Variants in ETV6 observed in about 807,000 individuals in gnomAD.
ETV6 encodes transcription factor ETV6.
ETV6 carries 16 observed loss-of-function variants against 51.1 expected under a neutral mutation model. The ratio of observed to expected loss-of-function variants is 0.31; its 90% CI spans 0.21 to 0.48. ETV6 has a LOEUF of 0.48. ETV6 is among the 20% of genes least tolerant of loss of function. The pLI, the probability that ETV6 is intolerant of heterozygous loss-of-function variation, is 0.99. For synonymous variants in ETV6, 240 were observed against 224.1 expected (o/e 1.07, Z -0.64); for missense variants, 458 against 594.8 (o/e 0.77, Z 2.39).
chr12:11,738,301 T>G (rs80212011), intron 1 of ETV6, among the ~76,000 whole-genome samples: 3 of 72,610 alleles, frequency 4.1e-5, no homozygotes, highest in African/African-American at 1.1e-4. Context: ...TTTTTGTTTG[T>G]TTTTGCTTTT....
intron 5 of ETV6, among the ~76,000 whole-genome samples, chr12:11,878,408 T>A (rs748828635): frequency 7.9e-4 from 120 of 152,234 alleles, no homozygotes; most frequent in Non-Finnish European, 9.7e-4. Context: ...CTCCCTGCAG[T>A]CCCTGGATGT....
At chr12:11,824,980 G>A (rs1386475179) in intron 2 of ETV6, among the ~76,000 whole-genome samples, 1 of 152,190 alleles carries the variant, frequency 6.6e-6, no homozygotes, top group Non-Finnish European at 1.5e-5. Flanking sequence ...ATGAGCAACA[G>A]AAAAGTAGTG....
intron 2 of ETV6, among the ~76,000 whole-genome samples, chr12:11,768,291 G>A (rs919793983): frequency 1.3e-5 from 2 of 152,198 alleles, no homozygotes; most frequent in Admixed American, 1.3e-4. Context: ...TAGATACCAT[G>A]TGGAAAGTCA....
chr12:11,823,202 G>T (rs929656204), intron 2 of ETV6, among the ~76,000 whole-genome samples: 4 of 152,142 alleles, frequency 2.6e-5, no homozygotes, highest in Non-Finnish European at 5.9e-5. Context: ...GGCTTGCATG[G>T]GGGAATCTGT....
intron 1 of ETV6, among the ~76,000 whole-genome samples, chr12:11,736,783 CAGTT>C (rs1233458646): frequency 6.6e-6 from 1 of 152,132 alleles, no homozygotes; most frequent in Non-Finnish European, 1.5e-5. Context: ...TTTATGTAGA[CAGTT>C]AGACTTCAAA....
At chr12:11,661,779 T>G (rs550037577) in intron 1 of ETV6, among the ~76,000 whole-genome samples, 1 of 152,344 alleles carries the variant, frequency 6.6e-6, no homozygotes, top group African/African-American at 2.4e-5. Flanking sequence ...AAAGGCTCCC[T>G]TTCTGAATTT....
At chr12:11,741,059 G>C (rs944368941) in intron 1 of ETV6, among the ~76,000 whole-genome samples, 4 of 152,308 alleles carry the variant, frequency 2.6e-5, no homozygotes, top group Admixed American at 1.3e-4. Context: ...TAGGCTCAAG[G>C]TTTCTAGTTG....
At chr12:11,684,066 T>C (rs1864582799) in intron 1 of ETV6, among the ~76,000 whole-genome samples, 1 of 152,256 alleles carries the variant, frequency 6.6e-6, no homozygotes, top group African/African-American at 2.4e-5. Flanking sequence ...TGTCACTGAC[T>C]TCGACAACTG....
intron 1 of ETV6, among the ~76,000 whole-genome samples, chr12:11,744,308 G>A (rs554856915): frequency 6.6e-6 from 1 of 152,324 alleles, no homozygotes; most frequent in African/African-American, 2.4e-5. Context: ...ATTAATGGAG[G>A]AGAAAGCAGC....
At chr12:11,856,477 C>T (rs937399140) in intron 4 of ETV6, among the ~76,000 whole-genome samples, 1 of 152,184 alleles carries the variant, frequency 6.6e-6, no homozygotes, top group Non-Finnish European at 1.5e-5. Context: ...AACAGGTGCA[C>T]ACAACAAGGA....
At chr12:11,868,815 T>G (rs757457900) in intron 4 of ETV6, among the ~76,000 whole-genome samples, 16 of 151,746 alleles carry the variant, frequency 1.1e-4, no homozygotes, top group Non-Finnish European at 1.9e-4. Context: ...CGTAGAAGAG[T>G]TAAATGATGG....
At chr12:11,789,999 C>T (rs1451929533) in intron 2 of ETV6, among the ~76,000 whole-genome samples, 7 of 152,152 alleles carry the variant, frequency 4.6e-5, no homozygotes, top group African/African-American at 7.2e-5. Flanking sequence ...CTCCAGAACT[C>T]CCATTATTAG....
chr12:11,755,352 C>G (rs1189415690), intron 2 of ETV6, among the ~76,000 whole-genome samples: 1 of 152,158 alleles, frequency 6.6e-6, no homozygotes, highest in Non-Finnish European at 1.5e-5. Flanking sequence ...AATGATTTTG[C>G]CTGAATGCCT....
intron 2 of ETV6, among the ~76,000 whole-genome samples, chr12:11,796,640 A>C (rs770043823): frequency 6.6e-6 from 1 of 152,212 alleles, no homozygotes; most frequent in Non-Finnish European, 1.5e-5. Context: ...TCCGCTGTGC[A>C]CTGTCCATGC....
intron 1 of ETV6, among the ~76,000 whole-genome samples, chr12:11,721,781 C>T (rs1342633737): frequency 6.6e-6 from 1 of 152,168 alleles, no homozygotes; most frequent in Non-Finnish European, 1.5e-5. Flanking sequence ...GGGTCTGGCA[C>T]CCTGGCATAT....
Position 11,667,633 on chromosome 12 carries a change from G to A in ETV6, c.33+17473G>A, listed in dbSNP as rs1175525835. Among the ~76,000 whole-genome samples, 3 of 149,328 alleles carry A rather than the reference G, an allele frequency of 2.0e-5. No individual in the cohort carries two copies. The East Asian group carries it at 5.9e-4, about 29-fold the overall frequency. On this transcript the variant is annotated intron_variant, in intron 1 of 7. Transcript: ENST00000396373. Reference sequence around the variant, plus strand: ...CTGCCTCGACCTCCTGGGCTCCAGCGATCCTCCCACCTCAGCTTCCCAAGT... The same window carrying A: ...CTGCCTCGACCTCCTGGGCTCCAGCAATCCTCCCACCTCAGCTTCCCAAGT...
At chr12:11,771,728 C>G (rs1372410032) in intron 2 of ETV6, among the ~76,000 whole-genome samples, 2 of 152,226 alleles carry the variant, frequency 1.3e-5, no homozygotes, top group African/African-American at 4.8e-5. Flanking sequence ...AACACCATGT[C>G]CTATTTAACC....
At chr12:11,667,918 T>G (rs543339486) in intron 1 of ETV6, among the ~76,000 whole-genome samples, 1 of 151,682 alleles carries the variant, frequency 6.6e-6, no homozygotes, top group South Asian at 2.1e-4. Context: ...GCCAGGCTGG[T>G]CTTGAACTCC....
At chr12:11,819,086 C>G (rs966364859) in intron 2 of ETV6, among the ~76,000 whole-genome samples, 10 of 152,212 alleles carry the variant, frequency 6.6e-5, no homozygotes, top group African/African-American at 2.4e-4. Context: ...TCAAAGAAGC[C>G]CACTTGGATT....
Sources: gnomAD v4.1 joint callset for allele counts (sites outside exome capture counted in the v4.1 genomes callset) on GRCh38, gnomAD v4.1.1 for gene constraint, MANE v1.5 for transcripts, NCBI Gene and HGNC (gene_info 2026-07-23, HGNC 2026-07-21) for gene names.